The following KCNMB2 variants were observed in gnomAD, a reference collection of about 807,000 sequenced individuals.
KCNMB2 encodes the protein potassium calcium-activated channel subfamily M regulatory beta subunit 2, also known as calcium-activated potassium channel subunit beta-2.
KCNMB2 carries 9 observed loss-of-function variants against 24.5 expected under a neutral mutation model. The observed-to-expected ratio is 0.37, with a 90% CI of 0.22 to 0.64. The LOEUF (loss-of-function observed/expected upper bound fraction) is 0.64, where lower values mean the gene tolerates loss of function less well. Ranked by LOEUF, KCNMB2 falls within the 30% of genes least tolerant of loss-of-function variation. KCNMB2 has a pLI of 0.63. For missense variants in KCNMB2, 226 were observed against 284.3 expected (o/e 0.79, Z 1.47); for synonymous variants, 109 against 104.4 (o/e 1.04, Z -0.27).
At chr3:178,710,650 G>C (rs532249493) in intron 1 of KCNMB2, among the ~76,000 whole-genome samples, 1 of 152,232 alleles carries the variant, frequency 6.6e-6, no homozygotes, top group African/African-American at 2.4e-5. Flanking sequence ...GAGTGTGTGT[G>C]CGTGTCTCTG....
chr3:178,651,001 AGACAACGATGCCCTCTCTCAC>A (rs1720096750), intron 1 of KCNMB2, among the ~76,000 whole-genome samples: 1 of 152,354 alleles, frequency 6.6e-6, no homozygotes, highest in Non-Finnish European at 1.5e-5. Context: ...AAACAGATCA[AGACAACGATGCCCTCTCTCAC>A]CACTCCTATT....
chr3:178,836,337 C>T lies in KCNMB2; in HGVS notation c.424-6316C>T, dbSNP rs544974211. Among the ~76,000 whole-genome samples the T allele has an allele frequency of 1.3e-3, 194 of 152,190 alleles. 1 individual carries two copies. The highest frequency in any genetic ancestry group is 2.5e-3 in the Non-Finnish European group (172 of 67,998). ...GAGGCTAAGGAAAAAAAAATTTAGT[C>T]AGTTCCCCAAAAATTGGAGAGAAGA... is the stretch of plus-strand genomic sequence containing the variant. On this transcript the variant is annotated intron_variant, in intron 4 of 4. Coordinates refer to ENST00000452583, the MANE Select transcript of KCNMB2 (RefSeq NM_181361.3).
chr3:178,717,594 T>G (rs7645805), intron 1 of KCNMB2, among the ~76,000 whole-genome samples: 19,102 of 152,150 alleles, frequency 0.13, 1,308 homozygotes, highest in East Asian at 0.22. Flanking sequence ...ACATTAAGTG[T>G]GATAACTGAC....
intron 1 of KCNMB2, among the ~76,000 whole-genome samples, chr3:178,758,045 GATATATA>G (rs1724234029): frequency 5.2e-4 from 1 of 1,922 alleles, no homozygotes; most frequent in Non-Finnish European, 1.1e-3. Flanking sequence ...TATATATCTA[GATATATA>G]TATATATCTC....
At chr3:178,632,884 T>C (rs1316656086) in intron 1 of KCNMB2, among the ~76,000 whole-genome samples, 1 of 152,272 alleles carries the variant, frequency 6.6e-6, no homozygotes, top group South Asian at 2.1e-4. Flanking sequence ...CTAGATACCA[T>C]GGGAGTACAG....
At chr3:178,700,663 G>C (rs73047882) in intron 1 of KCNMB2, among the ~76,000 whole-genome samples, 15,788 of 152,072 alleles carry the variant, frequency 0.1, 977 homozygotes, top group Middle Eastern at 0.23. Flanking sequence ...GAAGAGATTT[G>C]AGAAGATATT....
intron 1 of KCNMB2, among the ~76,000 whole-genome samples, chr3:178,783,057 C>T (rs1279375127): frequency 2.7e-5 from 4 of 149,960 alleles, no homozygotes; most frequent in African/African-American, 7.3e-5. Context: ...GAATCCTTTC[C>T]CCATTGCTTG....
chr3:178,565,297 C>A (rs1360959824), intron 1 of KCNMB2, among the ~76,000 whole-genome samples: 2 of 152,040 alleles, frequency 1.3e-5, no homozygotes, highest in African/African-American at 4.8e-5. Context: ...ATAATGAACC[C>A]AAAGTCATAC....
chr3:178,779,320 T>C (rs1040202824), intron 1 of KCNMB2, among the ~76,000 whole-genome samples: 2 of 152,194 alleles, frequency 1.3e-5, no homozygotes, highest in African/African-American at 4.8e-5. Flanking sequence ...GTATTTATGA[T>C]CCCCTCCTTG....
intron 1 of KCNMB2, among the ~76,000 whole-genome samples, chr3:178,667,649 T>G (rs1188504259): frequency 6.6e-6 from 1 of 152,196 alleles, no homozygotes; most frequent in East Asian, 1.9e-4. Flanking sequence ...AAAAAGAGGC[T>G]TTAGAAGAAA....
At chr3:178,617,860 C>T (rs1304552842) in intron 1 of KCNMB2, among the ~76,000 whole-genome samples, 1 of 146,386 alleles carries the variant, frequency 6.8e-6, no homozygotes, top group East Asian at 2.0e-4. Flanking sequence ...CACTGCACTC[C>T]AGCCTGGGTG....
intron 1 of KCNMB2, among the ~76,000 whole-genome samples, chr3:178,544,745 T>C (rs1172036695): frequency 6.6e-6 from 1 of 152,136 alleles, no homozygotes; most frequent in Non-Finnish European, 1.5e-5. Flanking sequence ...ATTTTCAGTT[T>C]TCAACAAATC....
At chr3:178,823,222 G>C (rs924583564) in intron 2 of KCNMB2, among the ~76,000 whole-genome samples, 5 of 152,206 alleles carry the variant, frequency 3.3e-5, no homozygotes, top group Admixed American at 1.3e-4. Context: ...AAGAAACACA[G>C]AGGGTGGGTG....
chr3:178,772,484 C>T (rs1466068647), intron 1 of KCNMB2, among the ~76,000 whole-genome samples: 2 of 152,190 alleles, frequency 1.3e-5, no homozygotes, highest in Non-Finnish European at 2.9e-5. Flanking sequence ...TTTTCCTGCA[C>T]AAGCTCTCTT....
At chr3:178,761,574 G>A (rs1711878214) in intron 1 of KCNMB2, among the ~76,000 whole-genome samples, 1 of 151,988 alleles carries the variant, frequency 6.6e-6, no homozygotes, top group East Asian at 1.9e-4. Flanking sequence ...TTGCCTTTTC[G>A]TGCCCAATAT....
At chr3:178,546,592 G>A (rs1468889549) in intron 1 of KCNMB2, among the ~76,000 whole-genome samples, 1 of 152,148 alleles carries the variant, frequency 6.6e-6, no homozygotes, top group Non-Finnish European at 1.5e-5. Flanking sequence ...CCTGTTACAG[G>A]GAGTAAGTGG....
intron 1 of KCNMB2, among the ~76,000 whole-genome samples, chr3:178,662,175 C>T: frequency 6.6e-6 from 1 of 152,160 alleles, no homozygotes; most frequent in Non-Finnish European, 1.5e-5. Flanking sequence ...CGCATAGCCA[C>T]AGAAATAAAT....
At chr3:178,767,220 GT>G (rs1156898291) in intron 1 of KCNMB2, among the ~76,000 whole-genome samples, 1 of 152,170 alleles carries the variant, frequency 6.6e-6, no homozygotes, top group Non-Finnish European at 1.5e-5. Flanking sequence ...AAGGAATAAC[GT>G]TAAAGCAAAT....
intron 1 of KCNMB2, among the ~76,000 whole-genome samples, chr3:178,616,716 A>C (rs946916583): frequency 1.3e-5 from 2 of 152,182 alleles, no homozygotes; most frequent in East Asian, 3.8e-4. Flanking sequence ...TCGGAGGAAC[A>C]ATCAGTGGAA....
Sources: allele counts gnomAD v4.1 joint callset (sites outside exome capture counted in the v4.1 genomes callset), GRCh38; gene constraint gnomAD v4.1.1; transcripts MANE v1.5; gene names NCBI Gene and HGNC (gene_info 2026-07-23, HGNC 2026-07-21).